Variants in SREBF2 observed in about 807,000 individuals in gnomAD.
SREBF2 encodes the protein sterol regulatory element-binding protein 2.
A neutral mutation model predicts 113.1 loss-of-function variants in SREBF2; 55 were observed. The ratio of observed to expected loss-of-function variants is 0.49; its 90% CI spans 0.39 to 0.61. The LOEUF (loss-of-function observed/expected upper bound fraction) is 0.61. Among genes scored for constraint, SREBF2 ranks in the 20% least tolerant of loss-of-function variants. SREBF2 has a pLI of 0.00. For synonymous variants in SREBF2, 593 were observed against 605.7 expected, an observed-to-expected ratio of 0.98 and a Z score of 0.31; for missense variants, 1,349 against 1,487.4, an observed-to-expected ratio of 0.91 and a Z score of 1.53.
intron 15 of SREBF2, 117 bp from the exon 16 acceptor site, chr22:41,900,213 C>A: frequency 6.5e-7 from 1 of 1,539,476 alleles, no homozygotes; most frequent in South Asian, 1.2e-5. Flanking sequence ...GCATTGGAGT[C>A]AACAGATGCA....
intron 4 of SREBF2, among the ~76,000 whole-genome samples, chr22:41,871,275 C>G (rs559395963): frequency 2.2e-4 from 34 of 152,202 alleles, no homozygotes; most frequent in Admixed American, 8.5e-4. Context: ...CAGAAGGACC[C>G]TCTATTCTTG....
At chr22:41,873,500 A>G (rs1336559266) in intron 4 of SREBF2, among the ~76,000 whole-genome samples, 1 of 152,212 alleles carries the variant, frequency 6.6e-6, no homozygotes, top group Non-Finnish European at 1.5e-5. Flanking sequence ...ACAGCAAAGC[A>G]GAAATCATAT....
chr22:41,878,437 C>A (rs989767101), intron 9 of SREBF2, among the ~76,000 whole-genome samples: 2 of 152,076 alleles, frequency 1.3e-5, no homozygotes, highest in Non-Finnish European at 2.9e-5. Flanking sequence ...AACCCGAACA[C>A]ATGAATGGAC....
chr22:41,845,198 C>T lies in SREBF2; in HGVS notation c.88+11840C>T, dbSNP rs557353649. ...CCTGCCTTGGCCTCCCAAAGTGCTGCGATTACAGGTGTGAGCCACTGCGCC... is the reference window on the plus strand; with the variant it reads ...CCTGCCTTGGCCTCCCAAAGTGCTGTGATTACAGGTGTGAGCCACTGCGCC... On this transcript the variant is annotated intron_variant, in intron 1 of 18. Transcript: ENST00000361204. 1.8e-4 allele frequency among the ~76,000 whole-genome samples: 28 copies of T among 152,132 alleles called. No individual in the cohort carries two copies. The South Asian group carries it at 5.6e-3, about 30-fold the overall frequency.
At chr22:41,878,365 T>C (rs1453363269) in intron 9 of SREBF2, among the ~76,000 whole-genome samples, 2 of 152,166 alleles carry the variant, frequency 1.3e-5, no homozygotes, top group East Asian at 3.8e-4. Context: ...GGAGGGGTTC[T>C]AGGGCTTGAG....
At chr22:41,903,777 G>A (rs1245054141) in intron 17 of SREBF2, among the ~76,000 whole-genome samples, 2 of 152,334 alleles carry the variant, frequency 1.3e-5, no homozygotes, top group African/African-American at 4.8e-5. Flanking sequence ...GGCTGGGCTG[G>A]AAGAAGGCCT....
intron 1 of SREBF2, among the ~76,000 whole-genome samples, chr22:41,865,426 C>T (rs1044800443): frequency 1.3e-5 from 2 of 152,070 alleles, no homozygotes; most frequent in Admixed American, 1.3e-4. Flanking sequence ...CTATCTGGGA[C>T]AAAGCTGAGG....
chr22:41,869,618 G>A (rs1257666924), intron 3 of SREBF2, among the ~76,000 whole-genome samples: 1 of 151,290 alleles, frequency 6.6e-6, no homozygotes, highest in African/African-American at 2.4e-5. Flanking sequence ...CAAGTAGCTG[G>A]GATTACAAGC....
intron 11 of SREBF2, among the ~76,000 whole-genome samples, chr22:41,891,718 G>T (rs2077364668): frequency 6.6e-6 from 1 of 152,146 alleles, no homozygotes; most frequent in Non-Finnish European, 1.5e-5. Context: ...GATGTCTGCG[G>T]GCCTCGGCCT....
chr22:41,900,673 C>T (rs2077458221), intron 16 of SREBF2, among the ~76,000 whole-genome samples, 175 bp downstream of exon 16: 1 of 152,204 alleles, frequency 6.6e-6, no homozygotes. Flanking sequence ...ACTCCTTTTT[C>T]ATCCCTTTTC....
At position 41,893,206 on chromosome 22, in the gene SREBF2, C is replaced by T; in HGVS notation, c.2298C>T (p.Gly766=). The T allele has an allele frequency of 6.2e-7, 1 of 1,614,188 alleles. No homozygotes were observed. The highest frequency in any genetic ancestry group is 1.1e-5 in the South Asian group (1 of 91,088). The change falls in exon 12 of 19, where the codon GGC becomes GGT. Residue 766 remains glycine (G), a synonymous_variant. Coordinates refer to ENST00000361204, the MANE Select transcript of SREBF2 (RefSeq NM_004599.4). ...TGCGCTGGCTCTGCCACCCCCTGGG[C>T]CAGAAGTTTTTCATGGAGCGGAGCT... ...DSLRWLCHPL[G]QKFFMERSWS...
At chr22:41,856,955 T>C (rs1569380139) in intron 1 of SREBF2, among the ~76,000 whole-genome samples, 2 of 150,874 alleles carry the variant, frequency 1.3e-5, no homozygotes, top group Non-Finnish European at 2.9e-5. Flanking sequence ...TAATCCCGGC[T>C]ACATGGGAGG....
chr22:41,847,746 C>T (rs1182757350), intron 1 of SREBF2, among the ~76,000 whole-genome samples: 1 of 152,162 alleles, frequency 6.6e-6, no homozygotes, highest in Non-Finnish European at 1.5e-5. Context: ...CTCAAAGTGT[C>T]ATTGAGATTA....
chr22:41,878,258 G>A, intron 9 of SREBF2, 135 bp downstream of exon 9: 1 of 1,164,500 alleles, frequency 8.6e-7, no homozygotes, highest in Non-Finnish European at 1.2e-6. Context: ...TAGTCACAGG[G>A]CAGTGGAGTG....
intron 10 of SREBF2, among the ~76,000 whole-genome samples, chr22:41,881,749 A>G (rs1320552560): frequency 6.6e-6 from 1 of 152,152 alleles, no homozygotes. Context: ...AAATAGTGAT[A>G]TGATCAGGTT....
chr22:41,877,176 T>C, intron 7 of SREBF2, 53 bp from the exon 8 acceptor site: 1 of 1,526,266 alleles, frequency 6.6e-7, no homozygotes, highest in Non-Finnish European at 9.1e-7. Flanking sequence ...ATTTATAAAG[T>C]GCTGTAAAAA....
rs375291349 is a variant in SREBF2 at position 41,884,104 on chromosome 22, G to A, written c.2039-738G>A. ...AGTTTACGTCACTTCCCCCTCAAACGGGTATGTGTTTGTGTATTGTGAAGG... is the reference window on the plus strand; with the variant it reads ...AGTTTACGTCACTTCCCCCTCAAACAGGTATGTGTTTGTGTATTGTGAAGG... On this transcript the variant is annotated intron_variant, in intron 10 of 18. Coordinates refer to ENST00000361204, the MANE Select transcript of SREBF2 (RefSeq NM_004599.4). Among the ~76,000 whole-genome samples, 38 of 152,212 alleles carry A rather than the reference G, an allele frequency of 2.5e-4. No homozygotes were observed. In the South Asian group the frequency reaches 3.9e-3, roughly 16 times the overall value.
intron 1 of SREBF2, among the ~76,000 whole-genome samples, chr22:41,836,797 C>A (rs2076779956): frequency 1.3e-5 from 2 of 152,072 alleles, no homozygotes; most frequent in South Asian, 4.2e-4. Context: ...GAGAGGCAGG[C>A]AGGGTGAGTA....
At chr22:41,888,613 G>C (rs148807058) in intron 11 of SREBF2, among the ~76,000 whole-genome samples, 55 of 152,274 alleles carry the variant, frequency 3.6e-4, no homozygotes, top group African/African-American at 1.3e-3. Flanking sequence ...TCATTCTACA[G>C]AGGTACTTGA....
Sources: allele counts gnomAD v4.1 joint callset (sites outside exome capture counted in the v4.1 genomes callset), GRCh38; gene constraint gnomAD v4.1.1; transcripts MANE v1.5; gene names NCBI Gene and HGNC (gene_info 2026-07-23, HGNC 2026-07-21).